Variants in GRID1 observed in about 807,000 individuals in gnomAD.
GRID1 encodes glutamate receptor ionotropic, delta-1.
GRID1 carries 28 observed loss-of-function variants against 98.0 expected under a neutral mutation model. The ratio of observed to expected loss-of-function variants is 0.29; its 90% CI spans 0.21 to 0.39. GRID1 has a LOEUF of 0.39. GRID1 is among the 10% of genes least tolerant of loss of function. The probability of loss-of-function intolerance (pLI) is 1.00; values close to 1 mark genes in which losing one functional copy is unlikely to be tolerated. For synonymous variants in GRID1, 553 were observed against 538.5 expected (o/e 1.03, Z -0.37); for missense variants, 1,111 against 1,340.5 (o/e 0.83, Z 2.67).
In GRID1 at chr10:86,161,100, C is replaced by G. The variant is rs561595241; in HGVS notation, c.521-22076G>C. On this transcript the variant is annotated intron_variant, in intron 3 of 15. Transcript: ENST00000327946. The stretch of plus-strand genomic sequence containing the variant: ...CCCACCTCTCAGCTGATAGCACCAG[C>G]AACAACAGACAGGCTACATGATGTG... Among the ~76,000 whole-genome samples the G allele has an allele frequency of 2.0e-5, 3 of 152,298 alleles. No homozygotes were observed. The South Asian group carries it at 6.2e-4, about 32-fold the overall frequency.
intron 3 of GRID1, among the ~76,000 whole-genome samples, chr10:86,193,184 A>T (rs1017604416): frequency 2.0e-5 from 3 of 152,032 alleles, no homozygotes; most frequent in Non-Finnish European, 4.4e-5. Flanking sequence ...GGGTGCAGTC[A>T]GGAGAGTGAG....
At chr10:86,081,308 T>C (rs1471313053) in intron 4 of GRID1, among the ~76,000 whole-genome samples, 2 of 152,158 alleles carry the variant, frequency 1.3e-5, no homozygotes, top group African/African-American at 4.8e-5. Flanking sequence ...ACAGTGTGCC[T>C]GAGAGCTGAC....
At chr10:85,932,036 T>C (rs747348074) in intron 4 of GRID1, among the ~76,000 whole-genome samples, 21 of 152,208 alleles carry the variant, frequency 1.4e-4, no homozygotes, top group Non-Finnish European at 2.5e-4. Flanking sequence ...TGTCAATCTC[T>C]GCTTAATTTT....
At chr10:85,646,186 G>A (rs977595840) in intron 13 of GRID1, 4 of 153,302 alleles carry the variant, frequency 2.6e-5, no homozygotes, top group Non-Finnish European at 5.8e-5. Context: ...AGACTCCACA[G>A]AGGTGGCAGG....
chr10:85,905,261 A>C (rs1306837968), intron 5 of GRID1, among the ~76,000 whole-genome samples: 5 of 152,122 alleles, frequency 3.3e-5, no homozygotes, highest in African/African-American at 1.2e-4. Context: ...CTGTTAACCT[A>C]GAATTCTGTA....
chr10:86,351,314 G>A (rs1165798661), intron 2 of GRID1, among the ~76,000 whole-genome samples: 2 of 152,234 alleles, frequency 1.3e-5, no homozygotes, highest in East Asian at 1.9e-4. Flanking sequence ...AGACACACAC[G>A]GGCTAATGGG....
intron 8 of GRID1, among the ~76,000 whole-genome samples, chr10:85,808,045 G>GAATA (rs777461464): frequency 1.1e-4 from 16 of 152,132 alleles, no homozygotes; most frequent in Non-Finnish European, 1.9e-4. Flanking sequence ...GAAATGGCAT[G>GAATA]AATAAATATA....
chr10:86,037,851 C>T (rs914900105), intron 4 of GRID1, among the ~76,000 whole-genome samples: 2 of 152,036 alleles, frequency 1.3e-5, no homozygotes, highest in African/African-American at 4.8e-5. Context: ...TAAATACTGC[C>T]ATTGTATGGG....
intron 2 of GRID1, among the ~76,000 whole-genome samples, chr10:86,341,353 G>A (rs1848307616): frequency 6.6e-6 from 1 of 152,178 alleles, no homozygotes; most frequent in South Asian, 2.1e-4. Flanking sequence ...GAGGATGGAG[G>A]AGAAGATGGG....
chr10:86,353,018 C>G (rs1263254410), intron 2 of GRID1, among the ~76,000 whole-genome samples: 1 of 152,206 alleles, frequency 6.6e-6, no homozygotes, highest in Non-Finnish European at 1.5e-5. Flanking sequence ...TCTGAGAGCC[C>G]TGAGGTCAGG....
intron 4 of GRID1, among the ~76,000 whole-genome samples, chr10:86,083,282 A>G (rs1844003244): frequency 6.6e-6 from 1 of 152,210 alleles, no homozygotes; most frequent in Non-Finnish European, 1.5e-5. Context: ...GCGGTTGAGG[A>G]CTGGCGGGGA....
At chr10:86,086,804 C>T (rs1417089020) in intron 4 of GRID1, among the ~76,000 whole-genome samples, 1 of 152,046 alleles carries the variant, frequency 6.6e-6, no homozygotes, top group Non-Finnish European at 1.5e-5. Flanking sequence ...TCAGTGCCCC[C>T]AGGCTCCTGA....
chr10:85,851,979 A>T (rs1304544778), intron 8 of GRID1, among the ~76,000 whole-genome samples: 10 of 151,846 alleles, frequency 6.6e-5, no homozygotes, highest in African/African-American at 9.7e-5. Context: ...CCCACCCGAA[A>T]CTACCACTCA....
intron 8 of GRID1, among the ~76,000 whole-genome samples, chr10:85,802,267 T>C (rs1480723923): frequency 6.6e-6 from 1 of 152,136 alleles, no homozygotes; most frequent in Non-Finnish European, 1.5e-5. Context: ...AAGACATTTC[T>C]GAAGAAGAAC....
At chr10:86,331,165 G>A (rs1848135806) in intron 2 of GRID1, among the ~76,000 whole-genome samples, 1 of 152,232 alleles carries the variant, frequency 6.6e-6, no homozygotes, top group Admixed American at 6.5e-5. Context: ...TGGCCCACGG[G>A]ATGTGTTGCT....
At chr10:85,738,889 G>A (rs966373534) in intron 8 of GRID1, among the ~76,000 whole-genome samples, 1 of 152,112 alleles carries the variant, frequency 6.6e-6, no homozygotes, top group Non-Finnish European at 1.5e-5. Context: ...GACATTTGGG[G>A]CTAATGGAAG....
intron 12 of GRID1, among the ~76,000 whole-genome samples, chr10:85,663,263 A>AT (rs1306246959): frequency 1.3e-5 from 2 of 152,220 alleles, no homozygotes; most frequent in African/African-American, 4.8e-5. Flanking sequence ...GAGTGTCCTT[A>AT]TAAAAAGGAG....
intron 4 of GRID1, among the ~76,000 whole-genome samples, chr10:85,948,363 T>A (rs535196595): frequency 6.6e-6 from 1 of 152,330 alleles, no homozygotes; most frequent in South Asian, 2.1e-4. Context: ...TGGTTGAGGA[T>A]GGAGTTGAGG....
chr10:86,329,220 C>T (rs897604585), intron 2 of GRID1, among the ~76,000 whole-genome samples: 5 of 152,240 alleles, frequency 3.3e-5, no homozygotes, highest in South Asian at 2.1e-4. Flanking sequence ...TGGCCAGCCC[C>T]GCTGACCACA....
Sources: allele counts gnomAD v4.1 joint callset (sites outside exome capture counted in the v4.1 genomes callset), GRCh38; gene constraint gnomAD v4.1.1; transcripts MANE v1.5; gene names NCBI Gene and HGNC (gene_info 2026-07-23, HGNC 2026-07-21).